Variants in CACNA2D4 observed in about 807,000 individuals in gnomAD.
The protein encoded by CACNA2D4 is voltage-dependent calcium channel subunit alpha-2/delta-4.
Under a neutral mutation model 163.8 loss-of-function variants are expected in CACNA2D4, and 157 were observed. The observed-to-expected ratio is 0.96, with a 90% CI of 0.84 to 1.09. The LOEUF is 1.09. Among genes scored for constraint, CACNA2D4 ranks in the 50% least tolerant of loss-of-function variants. The pLI is 0.00. For synonymous variants in CACNA2D4, 598 were observed against 586.9 expected, an observed-to-expected ratio of 1.02 and a Z score of -0.27; for missense variants, 1,410 against 1,479.9, an observed-to-expected ratio of 0.95 and a Z score of 0.78.
chr12:1,866,628 T>TC (rs1865656824), intron 18 of CACNA2D4, among the ~76,000 whole-genome samples: 1 of 151,902 alleles, frequency 6.6e-6, no homozygotes, highest in Non-Finnish European at 1.5e-5. Flanking sequence ...CTTTTTTTGT[T>TC]GTTTGTTTTG....
Position 1,854,014 on chromosome 12 carries a change from A to G in CACNA2D4, c.2183T>C (p.Phe728Ser), listed in dbSNP as rs746241972. Reference protein sequence around the residue: ...CDEELVREVLFDAVVTAPMEA... With the variant: ...CDEELVREVLSDAVVTAPMEA... ...CATGGGGGCTGTCACCACCGCGTCA[A>G]ACAGCACCTCCCGGACCAGCTCCTC... The change falls in exon 23 of 38, where the codon TTT (phenylalanine) becomes TCT (serine). Residue 728 changes from phenylalanine (F) to serine (S), a missense_variant. By Grantham distance (155) the Phe-to-Ser change is radical. Coordinates refer to ENST00000382722, the MANE Select transcript of CACNA2D4 (RefSeq NM_172364.5). 1.9e-6 allele frequency: 3 copies of G among 1,612,982 alleles called. No individual in the cohort carries two copies. The highest frequency in any genetic ancestry group is 1.3e-5 in the African/African-American group (1 of 75,010).
intron 26 of CACNA2D4, among the ~76,000 whole-genome samples, chr12:1,839,287 C>T (rs1158478217): frequency 2.0e-5 from 3 of 152,222 alleles, no homozygotes; most frequent in Non-Finnish European, 4.4e-5. Flanking sequence ...TGTTGGATCG[C>T]GCAACTTTTC....
chr12:1,809,357 G>A lies in CACNA2D4; in HGVS notation c.2721+921C>T, dbSNP rs112390921. 23 of 603,892 alleles carry A rather than the reference G, an allele frequency of 3.8e-5. 1 individual carries two copies. The highest frequency in any genetic ancestry group is 1.1e-4 in the African/African-American group (6 of 54,028). The allele number at this position is 603,892 out of a possible 1,614,324, so 37.4% of individuals were successfully genotyped here. A position where few individuals can be genotyped will look rare whatever the true frequency, so the allele number is the denominator to read the frequency against. On this transcript the variant is annotated intron_variant, in intron 29 of 37. Transcript: ENST00000382722. The stretch of plus-strand genomic sequence containing the variant: ...TTAGACACTGTGTAGTCCAGCCCCC[G>A]GCGAGACACAGCTAATGGAAGTCGC...
intron 23 of CACNA2D4, among the ~76,000 whole-genome samples, chr12:1,850,013 T>C (rs1246498218): frequency 6.6e-6 from 1 of 152,208 alleles, no homozygotes; most frequent in African/African-American, 2.4e-5. Flanking sequence ...CTATTGTTAT[T>C]AAAGGTGCTA....
Position 1,858,602 on chromosome 12 carries a change from A to C in CACNA2D4, c.1983T>G (p.Leu661=). ...VLSRGHGEYI[L]LGNTSVEEGL... is the part of the protein sequence containing the mutation. ...CTTCTTCCACAGACGTGTTCCCCAG[A>C]AGGATGTATTCTCCGTGGCCCCGGG... The change falls in exon 20 of 38, where the codon CTT becomes CTG. Residue 661 remains leucine (L), a synonymous_variant. Transcript: ENST00000382722. 1 of 1,613,190 alleles carries C rather than the reference A, an allele frequency of 6.2e-7. No homozygotes were observed. The highest frequency in any genetic ancestry group is 8.5e-7 in the Non-Finnish European group (1 of 1,179,474).
intron 18 of CACNA2D4, among the ~76,000 whole-genome samples, chr12:1,861,954 T>C (rs1173526172): frequency 6.6e-6 from 1 of 152,236 alleles, no homozygotes; most frequent in Non-Finnish European, 1.5e-5. Flanking sequence ...TAGATTGGTT[T>C]TGCCTGTTCT....
At chr12:1,805,473 G>C (rs1017268377) in intron 29 of CACNA2D4, among the ~76,000 whole-genome samples, 1 of 152,238 alleles carries the variant, frequency 6.6e-6, no homozygotes, top group Non-Finnish European at 1.5e-5. Context: ...CTCCTAAGGG[G>C]TGTGGACACT....
intron 18 of CACNA2D4, among the ~76,000 whole-genome samples, chr12:1,871,541 GCGTGTGTACA>G (rs1036196590): frequency 2.0e-5 from 3 of 150,628 alleles, no homozygotes; most frequent in Admixed American, 6.6e-5. Context: ...ACTGATGTGT[GCGTGTGTACA>G]CGTGTGTGCT....
chr12:1,918,343 C>T lies in CACNA2D4; in HGVS notation c.131G>A (p.Trp44Ter). 2 of 1,608,870 alleles carry T rather than the reference C, an allele frequency of 1.2e-6. No homozygotes were observed. Among genetic ancestry groups the T allele is most frequent in the Non-Finnish European group, 1.7e-6 (2 of 1,177,612 alleles). The change falls in exon 1 of 38, where the codon TGG becomes TAG. Residue 44 changes from tryptophan (W) to a stop codon, truncating the protein, a stop_gained. Coordinates refer to ENST00000382722, the MANE Select transcript of CACNA2D4 (RefSeq NM_172364.5). LOFTEE classifies it high-confidence loss of function. ...WIPLQPMPVA[W>*]AFVQKTSALL... is the part of the protein sequence containing the mutation. The stretch of plus-strand genomic sequence containing the variant: ...GGCCGAGGTCTTCTGCACAAAGGCC[C>T]AGGCCACGGGCATTGGCTGGAGGGG...
Position 1,856,163 on chromosome 12 carries a change from C to A in CACNA2D4, c.2054+21G>T, listed in dbSNP as rs376997104. Reference sequence around the variant, plus strand: ...CAAAACATTCCACCTGTCTCCCTCCCATTTTTTACTCCTCACTTACCAGTC... The same window carrying A: ...CAAAACATTCCACCTGTCTCCCTCCAATTTTTTACTCCTCACTTACCAGTC... On this transcript the variant is annotated intron_variant, in intron 21 of 37. Transcript: ENST00000382722. 2.5e-6 allele frequency: 4 copies of A among 1,614,014 alleles called. No individual in the cohort carries two copies. In the South Asian group the frequency reaches 4.4e-5, roughly 18 times the overall value.
rs1864498339 is a variant in CACNA2D4 at position 1,829,045 on chromosome 12, G to C, written c.2551+11694C>G. ...CTGAATTATTCACCATGTGAGAGAG[G>C]CTGGCCCCTGAGTGACTCAGATCTC... On this transcript the variant is annotated intron_variant, in intron 26 of 37. Transcript: ENST00000382722. The surrounding 1 kb of genome is among the most constrained non-coding windows in gnomAD (Gnocchi z 4.2). Among the ~76,000 whole-genome samples, 2 of 152,218 alleles carry C rather than the reference G, an allele frequency of 1.3e-5. No individual in the cohort carries two copies. Among genetic ancestry groups the C allele is most frequent in the East Asian group, 3.9e-4 (2 of 5,190 alleles).
chr12:1,846,370 A>G (rs1320720292), intron 24 of CACNA2D4, among the ~76,000 whole-genome samples: 1 of 150,752 alleles, frequency 6.6e-6, no homozygotes, highest in Non-Finnish European at 1.5e-5. Flanking sequence ...TGCCTTTCCC[A>G]CTGTCCCAAT....
chr12:1,807,725 G>A (rs773391474), intron 29 of CACNA2D4, among the ~76,000 whole-genome samples: 4 of 152,022 alleles, frequency 2.6e-5, no homozygotes, highest in Non-Finnish European at 2.9e-5. Flanking sequence ...CTGGCCTAGT[G>A]CCCTCCCATA....
intron 6 of CACNA2D4, among the ~76,000 whole-genome samples, chr12:1,888,926 G>A (rs1866216122): frequency 6.6e-6 from 1 of 152,182 alleles, no homozygotes; most frequent in Admixed American, 6.6e-5. Context: ...TAGACACATA[G>A]TATTGGAACT....
At chr12:1,908,515 G>A (rs1302244130) in intron 4 of CACNA2D4, among the ~76,000 whole-genome samples, 1 of 152,050 alleles carries the variant, frequency 6.6e-6, no homozygotes, top group African/African-American at 2.4e-5. Flanking sequence ...CCTCTCCCAC[G>A]CGGTGTTGGA....
Position 1,883,122 on chromosome 12 carries a change from G to A in CACNA2D4, c.1352-122C>T, listed in dbSNP as rs1024363837. The stretch of plus-strand genomic sequence containing the variant: ...CCGAATACTCTCTGGAAACTGGACC[G>A]GGGCACAGGGAGCTGCTTCCCCACA... On this transcript the variant is annotated intron_variant, in intron 12 of 37. Coordinates refer to ENST00000382722, the MANE Select transcript of CACNA2D4 (RefSeq NM_172364.5). This position sits in a 1 kb window ranked among gnomAD's most constrained non-coding sequence, Gnocchi z 4.5. 26 of 1,131,408 alleles carry A rather than the reference G, an allele frequency of 2.3e-5. No individual in the cohort carries two copies. The highest frequency in any genetic ancestry group is 6.2e-5 in the African/African-American group (4 of 64,350). 70.1% of individuals were successfully genotyped at this position (1,131,408 alleles called of 1,614,324 possible).
At chr12:1,893,132 A>G (rs764012819) in intron 6 of CACNA2D4, among the ~76,000 whole-genome samples, 5 of 152,234 alleles carry the variant, frequency 3.3e-5, no homozygotes, top group Non-Finnish European at 7.3e-5. Context: ...TGCACATTTG[A>G]CTAAATGGAC....
At position 1,844,825 on chromosome 12, in the gene CACNA2D4, A is replaced by G. The variant is rs1463270422; in HGVS notation, c.2343-296T>C. On this transcript the variant is annotated intron_variant, in intron 24 of 37. Transcript: ENST00000382722. The surrounding 1 kb of genome is among the most constrained non-coding windows in gnomAD (Gnocchi z 4.2). ...GATTCTTTCTTTTGGATAGAGCCCAATTTCTTCTTGTCTGGCTCGTTGGCA... is the reference window on the plus strand; with the variant it reads ...GATTCTTTCTTTTGGATAGAGCCCAGTTTCTTCTTGTCTGGCTCGTTGGCA... 6.6e-6 allele frequency among the ~76,000 whole-genome samples: 1 copy of G among 152,110 alleles called. No individual in the cohort carries two copies.
Position 1,860,151 on chromosome 12 carries a change from G to T in CACNA2D4, c.1934C>A (p.Pro645His), listed in dbSNP as rs1263670407. 1.2e-6 allele frequency: 2 copies of T among 1,612,960 alleles called. No individual in the cohort carries two copies. Among genetic ancestry groups the T allele is most frequent in the Admixed American group, 1.7e-5 (1 of 60,018 alleles). Reference protein sequence around the residue: ...DYFFTDISDTPFSLGVVLSRG... With the variant: ...DYFFTDISDTHFSLGVVLSRG... ...TAAAGCCTGTGTCCCTCACCTGAAA[G>T]GGGTGTCGCTGATGTCCGTGAAGAA... The change falls in exon 19 of 38, where the codon CCT becomes CAT. Residue 645 changes from proline (P) to histidine (H), a missense_variant. Physicochemically the swap from Pro to His is moderately conservative, Grantham distance 77. Transcript: ENST00000382722.
Sources: gnomAD v4.1 joint callset for allele counts (sites outside exome capture counted in the v4.1 genomes callset) on GRCh38, gnomAD v4.1.1 for gene constraint, Gnocchi (gnomAD v3.1) non-coding constraint, MANE v1.5 for transcripts, NCBI Gene and HGNC (gene_info 2026-07-23, HGNC 2026-07-21) for gene names.